DMD: variants seen among roughly 807,000 people sequenced by gnomAD.
The protein encoded by DMD is dystrophin.
DMD carries 63 observed loss-of-function variants against 330.1 expected under a neutral mutation model. The observed-to-expected ratio is 0.19, with a 90% CI of 0.16 to 0.24. DMD has a LOEUF of 0.24. DMD is among the 10% of genes least tolerant of loss of function. The pLI is 1.00. For synonymous variants in DMD, 1,223 were observed against 959.8 expected, an observed-to-expected ratio of 1.27 and a Z score of -5.07; for missense variants, 3,344 against 2,684.1, an observed-to-expected ratio of 1.25 and a Z score of -5.43.
At position 31,827,643 on chromosome X, in the gene DMD, C is replaced by G. The variant is rs1003961110; in HGVS notation, c.7201-7560G>C. Among the ~76,000 whole-genome samples the G allele has an allele frequency of 2.7e-5, 3 of 111,641 alleles. No individual in the cohort carries two copies. The Admixed American group carries it at 2.9e-4, about 11-fold the overall frequency. ...TATACATTCTTATCAGCAGATGGAC[C>G]ATTCTCCAAGACAGGTCATACAAGA... On this transcript the variant is annotated intron_variant, in intron 49 of 78. Transcript: ENST00000357033.
intron 37 of DMD, 88 bp downstream of exon 37, chrX:32,362,699 TG>T: frequency 9.7e-7 from 1 of 1,028,316 alleles, no homozygotes; most frequent in Non-Finnish European, 1.4e-6. Flanking sequence ...AACCTTGCTG[TG>T]GGGTCTACTT....
intron 2 of DMD, among the ~76,000 whole-genome samples, chrX:32,876,280 T>A (rs931565864): frequency 8.9e-6 from 1 of 112,174 alleles, no homozygotes; most frequent in Admixed American, 9.5e-5. Context: ...TGTCTCTAGA[T>A]ACAAAATGTC....
intron 47 of DMD, among the ~76,000 whole-genome samples, chrX:31,893,769 C>G (rs2094292521): frequency 1.8e-5 from 2 of 111,013 alleles, no homozygotes; most frequent in African/African-American, 6.6e-5. Flanking sequence ...GGGACAGTAA[C>G]TAACAGAGGT....
intron 11 of DMD, among the ~76,000 whole-genome samples, chrX:32,632,470 G>A (rs1223167404): frequency 8.9e-6 from 1 of 112,525 alleles, no homozygotes. Context: ...GACTACGTGT[G>A]GGGGATCAAA....
At position 31,323,663 on chromosome X, in the gene DMD, A is replaced by T; in HGVS notation, c.9164-5T>A. On this transcript the variant is annotated splice_polypyrimidine_tract_variant and splice_region_variant and intron_variant, in intron 61 of 78. Coordinates refer to ENST00000357033, the MANE Select transcript of DMD (RefSeq NM_004006.3). ...CCCAGGGACCCTGGACAGACGCTGA[A>T]AAGAAGGGAGGAAAAAAAGAAAGGC... 2 of 1,207,886 alleles carry T rather than the reference A, an allele frequency of 1.7e-6. No individual in the cohort carries two copies. Among genetic ancestry groups the T allele is most frequent in the Non-Finnish European group, 2.2e-6 (2 of 892,501 alleles).
intron 44 of DMD, among the ~76,000 whole-genome samples, chrX:32,128,210 C>A (rs2096671157): frequency 8.9e-6 from 1 of 111,780 alleles, no homozygotes; most frequent in African/African-American, 3.3e-5. Flanking sequence ...ATACAATGGT[C>A]AATGTTAATC....
intron 47 of DMD, among the ~76,000 whole-genome samples, chrX:31,915,562 G>T (rs1005310095): frequency 8.9e-6 from 1 of 111,772 alleles, no homozygotes; most frequent in Admixed American, 9.5e-5. Flanking sequence ...ATAAAGACAA[G>T]TGTCTGTCTG....
chrX:32,684,314 T>A (rs999660615), intron 9 of DMD, among the ~76,000 whole-genome samples: 1 of 111,684 alleles, frequency 9.0e-6, no homozygotes, highest in Non-Finnish European at 1.9e-5. Context: ...CATGTATCAG[T>A]GCTATCTTTA....
At chrX:33,108,776 G>A (rs1194221151) in intron 1 of DMD, among the ~76,000 whole-genome samples, 1 of 102,397 alleles carries the variant, frequency 9.8e-6, no homozygotes, top group Non-Finnish European at 2.0e-5. Flanking sequence ...TGAGGCAGGA[G>A]AATTGCTTGA....
At chrX:33,143,866 A>T (rs761059463) in intron 1 of DMD, among the ~76,000 whole-genome samples, 27 of 112,000 alleles carry the variant, frequency 2.4e-4, no homozygotes, top group Middle Eastern at 4.6e-3. Flanking sequence ...ATACAGGGAA[A>T]AAAATACAGT....
intron 7 of DMD, among the ~76,000 whole-genome samples, chrX:32,739,253 C>T (rs1672333311): frequency 8.9e-6 from 1 of 111,888 alleles, no homozygotes; most frequent in African/African-American, 3.2e-5. Flanking sequence ...CCTATGCTGT[C>T]CTCCCTACTG....
intron 28 of DMD, among the ~76,000 whole-genome samples, chrX:32,439,671 C>T (rs2098274184): frequency 9.0e-6 from 1 of 111,025 alleles, no homozygotes; most frequent in East Asian, 2.8e-4. Flanking sequence ...ATCCTTGATA[C>T]GTGGTGATCT....
At chrX:32,352,873 A>G (rs1431438027) in intron 37 of DMD, among the ~76,000 whole-genome samples, 2 of 110,295 alleles carry the variant, frequency 1.8e-5, no homozygotes, top group African/African-American at 6.6e-5. Context: ...TATAGACAGG[A>G]ATATAATATT....
intron 44 of DMD, among the ~76,000 whole-genome samples, chrX:32,175,319 C>T (rs1454059359): frequency 9.1e-6 from 1 of 110,001 alleles, no homozygotes. Context: ...TAAAATGCAC[C>T]AATCAGTAGG....
intron 1 of DMD, among the ~76,000 whole-genome samples, chrX:33,068,401 A>G (rs1032458947): frequency 8.9e-6 from 1 of 112,290 alleles, no homozygotes; most frequent in Non-Finnish European, 1.9e-5. Context: ...ATTGGCAGTG[A>G]CAGCGGAGGA....
intron 2 of DMD, among the ~76,000 whole-genome samples, chrX:33,000,790 T>C (rs907163582): frequency 8.9e-5 from 10 of 112,083 alleles, no homozygotes; most frequent in Admixed American, 5.7e-4. Flanking sequence ...TTAAAATTAC[T>C]TCACCTGTTT....
intron 44 of DMD, among the ~76,000 whole-genome samples, chrX:32,204,958 G>T (rs1021841634): frequency 1.1e-5 from 1 of 88,193 alleles, no homozygotes; most frequent in Non-Finnish European, 2.2e-5. Flanking sequence ...AGATTCGGAG[G>T]TGATAAACAT....
intron 30 of DMD, among the ~76,000 whole-genome samples, chrX:32,399,718 A>T (rs1220259509): frequency 8.9e-6 from 1 of 111,804 alleles, no homozygotes; most frequent in East Asian, 2.8e-4. Context: ...CAATCCAGCA[A>T]TCCCACTGCT....
chrX:33,070,673 C>CTATATATA (rs59422325), intron 1 of DMD, among the ~76,000 whole-genome samples: 3 of 35,640 alleles, frequency 8.4e-5, no homozygotes, highest in African/African-American at 3.9e-4. Context: ...CTCTCTCTCT[C>CTATATATA]TATATATATA....
Sources: allele counts gnomAD v4.1 joint callset (sites outside exome capture counted in the v4.1 genomes callset), GRCh38; gene constraint gnomAD v4.1.1; transcripts MANE v1.5; gene names NCBI Gene and HGNC (gene_info 2026-07-23, HGNC 2026-07-21).